Variants in BCOR observed in about 807,000 individuals in gnomAD.
The protein encoded by BCOR is BCL6 corepressor.
In BCOR, 10 loss-of-function variants were observed where a neutral mutation model predicts 86.7. The observed-to-expected ratio is 0.12, with a 90% confidence interval of 0.07 to 0.20. The LOEUF is 0.20. Ranked by LOEUF, BCOR falls within the 10% of genes least tolerant of loss-of-function variation. BCOR has a pLI of 1.00. For missense variants in BCOR, 1,259 were observed against 1,452.1 expected (o/e 0.87, Z 2.16); for synonymous variants, 611 against 609.0 (o/e 1.00, Z -0.05).
rs6609051 is a variant in BCOR, at chrX:40,078,972, G to C, written c.-40-1003C>G. Among the ~76,000 whole-genome samples the C allele has an allele frequency of 0.058, 6,514 of 111,512 alleles. 636 individuals are homozygous for C. In the East Asian group the frequency reaches 0.67, roughly 11 times the overall value. The stretch of plus-strand genomic sequence containing the variant: ...CGTGCAGGATTTTAATTGCTCTTTG[G>C]AGGTTGAGCCGTTTCTTTTGACTGC... On this transcript the variant is annotated intron_variant, in intron 1 of 14. Coordinates refer to ENST00000378444, the MANE Select transcript of BCOR (RefSeq NM_001123385.2).
At chrX:40,066,373 C>T (rs1033624873) in intron 6 of BCOR, among the ~76,000 whole-genome samples, 5 of 111,692 alleles carry the variant, frequency 4.5e-5, no homozygotes, top group African/African-American at 1.6e-4. Context: ...ACTCGAGTTG[C>T]TCTGTGTCTT....
rs1569192285 is a variant in BCOR, at chrX:40,139,413, A to T, written c.-41+37594T>A. On this transcript the variant is annotated intron_variant, in intron 1 of 14. Coordinates refer to the BCOR transcript ENST00000342274. ...TATATACATATATATATATATATAT[A>T]TAATATATATACATATATATATATA... Among the ~76,000 whole-genome samples, 3 of 13,989 alleles carry T rather than the reference A, an allele frequency of 2.1e-4. 1 individual carries two copies. Among genetic ancestry groups the T allele is most frequent in the African/African-American group, 2.1e-3 (3 of 1,450 alleles). 12.1% of individuals were successfully genotyped at this position (13,989 alleles called of 115,157 possible).
At chrX:40,129,282 G>A (rs1217432834) in intron 1 of BCOR, among the ~76,000 whole-genome samples, 1 of 110,848 alleles carries the variant, frequency 9.0e-6, no homozygotes, top group Non-Finnish European at 1.9e-5. Flanking sequence ...TCAAGAGATC[G>A]AGACCATCCT....
upstream of BCOR, among the ~76,000 whole-genome samples, chrX:40,099,554 T>C (rs1200213281): frequency 8.9e-6 from 1 of 112,144 alleles, no homozygotes; most frequent in East Asian, 2.8e-4. Flanking sequence ...GTTTTTAAAA[T>C]ATCCTGGAGT....
At chrX:40,154,256 C>T (rs1197934946) in intron 1 of BCOR, among the ~76,000 whole-genome samples, 1 of 106,842 alleles carries the variant, frequency 9.4e-6, no homozygotes, top group African/African-American at 3.4e-5. Flanking sequence ...CCTCCTCGCC[C>T]CCTCCCCTCC....
At chrX:40,105,652 C>A (rs1602225177) in intron 1 of BCOR, among the ~76,000 whole-genome samples, 3 of 112,949 alleles carry the variant, frequency 2.7e-5, no homozygotes, top group Admixed American at 1.8e-4. Context: ...CCAGGCCCTG[C>A]AGCTGGGCGC....
chrX:40,142,938 G>A (rs1262591905), intron 1 of BCOR, among the ~76,000 whole-genome samples: 1 of 111,384 alleles, frequency 9.0e-6, no homozygotes, highest in Non-Finnish European at 1.9e-5. Context: ...TTTAGTGCAC[G>A]TTGCCCTGGA....
At position 40,054,054 on chromosome X, in the gene BCOR, C is replaced by T. The variant is rs1934463560; in HGVS notation, c.4820-12G>A. ...TTCATCATCTGGTTCTAATGGAGGG[C>T]AAATAAGAGAGGAAGGAATCAGTAA... On this transcript the variant is annotated splice_polypyrimidine_tract_variant and intron_variant, in intron 13 of 14. Transcript: ENST00000378444. 2 of 1,209,392 alleles carry T rather than the reference C, an allele frequency of 1.7e-6. No individual in the cohort carries two copies. Among genetic ancestry groups the T allele is most frequent in the African/African-American group, 1.7e-5 (1 of 57,740 alleles).
At chrX:40,065,538 T>G (rs946557777) in intron 6 of BCOR, among the ~76,000 whole-genome samples, 1 of 112,602 alleles carries the variant, frequency 8.9e-6, no homozygotes, top group Non-Finnish European at 1.9e-5. Context: ...AGGAACCCTG[T>G]GCTCGGCCTA....
chrX:40,068,979 AC>A lies in BCOR; in HGVS notation c.3238+1993del, dbSNP rs755583007. Among the ~76,000 whole-genome samples the A allele has an allele frequency of 5.5e-3, 621 of 112,428 alleles. 5 individuals carry two copies. The highest frequency in any genetic ancestry group is 0.018 in the African/African-American group (551 of 30,975). ...GAGAGGCTTCGGGGAGGCATCCTGT[AC>A]CCTCTTTGTGACCCCTGCCTGCCCC... On this transcript the variant is annotated intron_variant, in intron 6 of 14. Transcript: ENST00000378444.
At chrX:40,071,279 T>C (rs2147184741) in intron 5 of BCOR, 120 bp from the exon 6 acceptor site, 1 of 675,899 alleles carries the variant, frequency 1.5e-6, no homozygotes, top group Non-Finnish European at 2.2e-6. Context: ...CAACCACAGC[T>C]TATGAGATGT....
intron 1 of BCOR, among the ~76,000 whole-genome samples, chrX:40,082,302 TA>T (rs1217456305): frequency 9.3e-6 from 1 of 107,640 alleles, no homozygotes; most frequent in Non-Finnish European, 1.9e-5. Context: ...GCCGATCAGT[TA>T]AAAGTCTGCA....
intron 1 of BCOR, among the ~76,000 whole-genome samples, chrX:40,141,635 T>C (rs1348271097): frequency 9.0e-6 from 1 of 110,809 alleles, no homozygotes; most frequent in Non-Finnish European, 1.9e-5. Flanking sequence ...CAGGAGCTTT[T>C]GGGGATAAGC....
chrX:40,097,501 C>T lies in BCOR; in HGVS notation c.-327G>A, dbSNP rs1453219753. On this transcript the variant is annotated 5_prime_UTR_variant, in exon 1 of 15. Coordinates refer to ENST00000378444, the MANE Select transcript of BCOR (RefSeq NM_001123385.2). ...GCTGGCAGCCGGCTGCCCTCGGGGT[C>T]GGCCCCGCCGAGGGGTGGGCTCTGG... is the stretch of plus-strand genomic sequence containing the variant. 1.2e-5 allele frequency: 1 copy of T among 86,544 alleles called. No homozygotes were observed. Among genetic ancestry groups the T allele is most frequent in the African/African-American group, 4.3e-5 (1 of 23,292 alleles). The allele number at this position is 86,544 out of a possible 1,213,427, so 7.1% of individuals were successfully genotyped here. A position where few individuals can be genotyped will look rare whatever the true frequency, so the allele number is the denominator to read the frequency against.
At chrX:40,058,172 G>A (rs1934695160) in intron 10 of BCOR, among the ~76,000 whole-genome samples, 3 of 112,632 alleles carry the variant, frequency 2.7e-5, no homozygotes, top group Admixed American at 9.4e-5. Flanking sequence ...CAGTTTGCAT[G>A]AGAATCACTG....
upstream of BCOR, among the ~76,000 whole-genome samples, chrX:40,101,112 C>G (rs1312547021): frequency 1.8e-5 from 2 of 110,281 alleles, no homozygotes; most frequent in South Asian, 3.9e-4. Context: ...CCTATTGGCC[C>G]GGTTAGTTCC....
chrX:40,077,739 T>C, intron 2 of BCOR, 105 bp downstream of exon 2: 1 of 760,541 alleles, frequency 1.3e-6, no homozygotes. Context: ...CGGGAAGCTC[T>C]TTCTCTCCCA....
intron 1 of BCOR, among the ~76,000 whole-genome samples, chrX:40,103,493 C>A (rs1937111029): frequency 9.0e-6 from 1 of 110,580 alleles, no homozygotes; most frequent in Admixed American, 9.6e-5. Flanking sequence ...GGGAGAAGTT[C>A]AGAAAGCGAG....
At chrX:40,141,251 C>G (rs968936554) in intron 1 of BCOR, among the ~76,000 whole-genome samples, 1 of 113,011 alleles carries the variant, frequency 8.8e-6, no homozygotes, top group African/African-American at 3.2e-5. Context: ...TCTGACTGAA[C>G]TTGAGCCAGC....
Sources: allele counts gnomAD v4.1 joint callset (sites outside exome capture counted in the v4.1 genomes callset), GRCh38; gene constraint gnomAD v4.1.1; transcripts MANE v1.5; gene names NCBI Gene and HGNC (gene_info 2026-07-23, HGNC 2026-07-21).